SHISA6: variants seen among roughly 807,000 people sequenced by gnomAD.
SHISA6 encodes protein shisa-6.
In SHISA6, 22 loss-of-function variants were observed where a neutral mutation model predicts 47.9. That is an observed-to-expected ratio of 0.46 (90% CI 0.33 to 0.66). The LOEUF is 0.66. Among genes scored for constraint, SHISA6 ranks in the 30% least tolerant of loss-of-function variants. The pLI, the probability that SHISA6 is intolerant of heterozygous loss-of-function variation, is 0.02. For missense variants in SHISA6, 680 were observed against 764.6 expected, an observed-to-expected ratio of 0.89 and a Z score of 1.30; for synonymous variants, 388 against 337.8, an observed-to-expected ratio of 1.15 and a Z score of -1.63.
At chr17:11,333,228 G>T (rs1911193659) in intron 2 of SHISA6, among the ~76,000 whole-genome samples, 1 of 152,196 alleles carries the variant, frequency 6.6e-6, no homozygotes. Flanking sequence ...ACCTGCCAGA[G>T]CCAGCGGGTT....
chr17:11,286,681 T>C (rs1909311343), intron 2 of SHISA6, among the ~76,000 whole-genome samples: 1 of 152,232 alleles, frequency 6.6e-6, no homozygotes, highest in South Asian at 2.1e-4. Context: ...AGGAACCAGA[T>C]CCCAGTTCAG....
At chr17:11,401,939 C>G (rs555097276) in intron 3 of SHISA6, among the ~76,000 whole-genome samples, 1 of 152,174 alleles carries the variant, frequency 6.6e-6, no homozygotes, top group African/African-American at 2.4e-5. Context: ...TCCACACATA[C>G]GCATTGCAGT....
At chr17:11,555,627 G>A in intron 4 of SHISA6, 113 bp from the exon 5 acceptor site, 2 of 1,245,872 alleles carry the variant, frequency 1.6e-6, no homozygotes, top group East Asian at 2.7e-5. Flanking sequence ...CTATGTCCAA[G>A]CACAGAGGTC....
At chr17:11,336,719 G>A (rs1382136532) in intron 2 of SHISA6, among the ~76,000 whole-genome samples, 5 of 152,184 alleles carry the variant, frequency 3.3e-5, no homozygotes, top group Non-Finnish European at 2.9e-5. Context: ...GAGAAACATC[G>A]TGCAATTAAA....
chr17:11,399,848 A>C lies in SHISA6; in HGVS notation c.895+20339A>C, dbSNP rs571385444. On this transcript the variant is annotated intron_variant, in intron 3 of 5. Coordinates refer to ENST00000441885, the MANE Select transcript of SHISA6 (RefSeq NM_207386.4). Reference sequence around the variant, plus strand: ...GATGATGTAACTCTCCAGGCAGAAAACTAGATAAATTAAACTCCACTGTCA... The same window carrying C: ...GATGATGTAACTCTCCAGGCAGAAACCTAGATAAATTAAACTCCACTGTCA... Among the ~76,000 whole-genome samples the C allele has an allele frequency of 8.4e-4, 128 of 152,296 alleles. 1 individual carries two copies. The highest frequency in any genetic ancestry group is 3.4e-3 in the Middle Eastern group (1 of 294).
chr17:11,551,793 A>C, intron 3 of SHISA6, 103 bp from the exon 4 acceptor site: 2 of 1,015,532 alleles, frequency 2.0e-6, no homozygotes, highest in East Asian at 2.6e-5. Context: ...TGCTTCCTTT[A>C]AGTCAGAGAA....
chr17:11,485,770 T>G (rs1322788084), intron 3 of SHISA6, among the ~76,000 whole-genome samples: 1 of 152,064 alleles, frequency 6.6e-6, no homozygotes, highest in African/African-American at 2.4e-5. Context: ...ACTTTTTTTT[T>G]TTTTTAAATC....
intron 1 of SHISA6, among the ~76,000 whole-genome samples, chr17:11,244,728 G>A (rs921426780): frequency 2.0e-5 from 3 of 152,198 alleles, no homozygotes; most frequent in Non-Finnish European, 4.4e-5. Flanking sequence ...GGTCAAGAGA[G>A]GAAGCGGATG....
intron 2 of SHISA6, among the ~76,000 whole-genome samples, chr17:11,364,726 A>G (rs1912388694): frequency 6.6e-6 from 1 of 152,222 alleles, no homozygotes; most frequent in Non-Finnish European, 1.5e-5. Flanking sequence ...TAGATTTGGA[A>G]TTGCTGGAAT....
intron 2 of SHISA6, among the ~76,000 whole-genome samples, chr17:11,290,986 A>T (rs900633676): frequency 6.6e-6 from 1 of 150,928 alleles, no homozygotes; most frequent in African/African-American, 2.4e-5. Context: ...TAATTTAATA[A>T]TAAATTTATT....
intron 3 of SHISA6, among the ~76,000 whole-genome samples, chr17:11,381,381 T>C (rs938195321): frequency 3.9e-5 from 6 of 152,252 alleles, no homozygotes; most frequent in African/African-American, 1.4e-4. Context: ...TTATGGAGTT[T>C]ATGGAGTTCC....
At chr17:11,366,745 G>A (rs1912464207) in intron 2 of SHISA6, among the ~76,000 whole-genome samples, 1 of 152,142 alleles carries the variant, frequency 6.6e-6, no homozygotes, top group South Asian at 2.1e-4. Context: ...AAGATGAAGA[G>A]AGGAATAAAG....
At chr17:11,310,847 G>A (rs1324011112) in intron 2 of SHISA6, among the ~76,000 whole-genome samples, 2 of 151,892 alleles carry the variant, frequency 1.3e-5, no homozygotes, top group Non-Finnish European at 2.9e-5. Context: ...TGTGGCTCAC[G>A]CCTGTAATCC....
chr17:11,511,472 G>C (rs1370817149), intron 3 of SHISA6, among the ~76,000 whole-genome samples: 2 of 151,854 alleles, frequency 1.3e-5, no homozygotes, highest in East Asian at 3.9e-4. Flanking sequence ...TAAATAAACT[G>C]AATGAATAAA....
intron 2 of SHISA6, among the ~76,000 whole-genome samples, chr17:11,326,210 G>A (rs1420306493): frequency 2.6e-5 from 4 of 151,558 alleles, no homozygotes; most frequent in Non-Finnish European, 5.9e-5. Context: ...GGTGGAGCTT[G>A]CAGTGAGCCG....
chr17:11,333,868 C>T (rs536509861), intron 2 of SHISA6, among the ~76,000 whole-genome samples: 5 of 152,160 alleles, frequency 3.3e-5, no homozygotes, highest in African/African-American at 4.8e-5. Flanking sequence ...GGGTGGTATT[C>T]AGAGAGCTTC....
At chr17:11,450,755 A>G (rs774422038) in intron 3 of SHISA6, among the ~76,000 whole-genome samples, 6 of 152,068 alleles carry the variant, frequency 3.9e-5, no homozygotes, top group Non-Finnish European at 7.4e-5. Context: ...CAAAATATAA[A>G]TAATCCAGGA....
At chr17:11,451,938 G>C (rs867470871) in intron 3 of SHISA6, among the ~76,000 whole-genome samples, 1 of 152,212 alleles carries the variant, frequency 6.6e-6, no homozygotes, top group Middle Eastern at 3.2e-3. Context: ...ATCCTTAGAT[G>C]TGGCAGGCTG....
At chr17:11,404,625 G>C (rs918634739) in intron 3 of SHISA6, among the ~76,000 whole-genome samples, 1 of 152,120 alleles carries the variant, frequency 6.6e-6, no homozygotes, top group Non-Finnish European at 1.5e-5. Context: ...TGATTCACAG[G>C]GACTCCTGAA....
Sources: allele counts gnomAD v4.1 joint callset (sites outside exome capture counted in the v4.1 genomes callset), GRCh38; gene constraint gnomAD v4.1.1; transcripts MANE v1.5; gene names NCBI Gene and HGNC (gene_info 2026-07-23, HGNC 2026-07-21).